NCS1: variants seen among roughly 807,000 people sequenced by gnomAD.
NCS1 encodes the protein frequenin homolog.
In NCS1, 6 loss-of-function variants were observed where a neutral mutation model predicts 28.4. The observed-to-expected ratio is 0.21, with a 90% CI of 0.12 to 0.42. The LOEUF (loss-of-function observed/expected upper bound fraction) is 0.42. NCS1 is among the 10% of genes least tolerant of loss of function. The probability of loss-of-function intolerance (pLI) is 1.00; values close to 1 mark genes in which losing one functional copy is unlikely to be tolerated. For synonymous variants in NCS1, 86 were observed against 99.3 expected (o/e 0.87, Z 0.79); for missense variants, 131 against 241.4 (o/e 0.54, Z 3.03).
At chr9:130,201,185 C>T (rs1156962616) in intron 2 of NCS1, among the ~76,000 whole-genome samples, 9 of 152,010 alleles carry the variant, frequency 5.9e-5, no homozygotes, top group African/African-American at 1.2e-4. Flanking sequence ...TTGGGGGTGG[C>T]GCTGGGGTGT....
In NCS1 at chr9:130,232,217, A is replaced by T. The variant is rs1554912219; in HGVS notation, c.*18-773A>T. Among the ~76,000 whole-genome samples, 1 of 151,902 alleles carries T rather than the reference A, an allele frequency of 6.6e-6. No individual in the cohort carries two copies. The highest frequency in any genetic ancestry group is 1.5e-5 in the Non-Finnish European group (1 of 67,978). ...CTGCCTTGGCCTCCCAAAGTGCTAGATTTACAGGTTTGACCCACCACTCCT... is the reference window on the plus strand; with the variant it reads ...CTGCCTTGGCCTCCCAAAGTGCTAGTTTTACAGGTTTGACCCACCACTCCT... On this transcript the variant is annotated intron_variant, in intron 7 of 7. Coordinates refer to ENST00000372398, the MANE Select transcript of NCS1 (RefSeq NM_014286.4). The surrounding 1 kb of genome is among the most constrained non-coding windows in gnomAD (Gnocchi z 4.4).
rs550795812 is a variant in NCS1, at chr9:130,200,605, G to A, written c.65-353G>A. The A allele has an allele frequency of 3.9e-6, 6 of 1,551,802 alleles. No homozygotes were observed. The African/African-American group carries it at 6.8e-5, about 18-fold the overall frequency. ...TCCCGTCCCCAGGGATTGAGAGATG[G>A]CAACGAGTAAGTCTTAGATGTTGGC... On this transcript the variant is annotated intron_variant, in intron 1 of 7. Coordinates refer to ENST00000372398, the MANE Select transcript of NCS1 (RefSeq NM_014286.4).
intron 2 of NCS1, among the ~76,000 whole-genome samples, chr9:130,205,424 G>A (rs782062736): frequency 1.3e-4 from 20 of 151,628 alleles, no homozygotes; most frequent in Non-Finnish European, 2.8e-4. Flanking sequence ...TGCACCTATA[G>A]TCCCAGCTAC....
intron 2 of NCS1, among the ~76,000 whole-genome samples, chr9:130,206,434 A>T (rs1158029305): frequency 2.4e-5 from 3 of 122,562 alleles, no homozygotes; most frequent in African/African-American, 9.6e-5. Context: ...CCTGAGATGG[A>T]GTCTCACTCG....
At position 130,175,901 on chromosome 9, in the gene NCS1, C is replaced by T. The variant is rs1832557257; in HGVS notation, c.64+3174C>T. Among the ~76,000 whole-genome samples, 1 of 152,206 alleles carries T rather than the reference C, an allele frequency of 6.6e-6. No individual in the cohort carries two copies. The highest frequency in any genetic ancestry group is 1.5e-5 in the Non-Finnish European group (1 of 68,038). Reference sequence around the variant, plus strand: ...TCTTTCAGGTCTGGCCCACTCTCTTCCAACCTGCTGGTGAGGCTGTTGGCT... The same window carrying T: ...TCTTTCAGGTCTGGCCCACTCTCTTTCAACCTGCTGGTGAGGCTGTTGGCT... On this transcript the variant is annotated intron_variant, in intron 1 of 7. Coordinates refer to ENST00000372398, the MANE Select transcript of NCS1 (RefSeq NM_014286.4). This position sits in a 1 kb window ranked among gnomAD's most constrained non-coding sequence, Gnocchi z 4.9.
intron 1 of NCS1, among the ~76,000 whole-genome samples, chr9:130,199,983 C>G (rs1430230082): frequency 6.6e-6 from 1 of 152,224 alleles, no homozygotes; most frequent in Non-Finnish European, 1.5e-5. Flanking sequence ...TTTGCCAAAA[C>G]TTTCTCTTGG....
Position 130,217,875 on chromosome 9 carries a change from G to A in NCS1, c.133G>A (p.Ala45Thr), listed in dbSNP as rs1554909605. The change falls in exon 3 of 8, where the codon GCG becomes ACG. Residue 45 changes from alanine (A) to threonine (T), a missense_variant. By Grantham distance (58) the Ala-to-Thr change is moderately conservative. Coordinates refer to ENST00000372398, the MANE Select transcript of NCS1 (RefSeq NM_014286.4). ...GGACTGCCCCAGTGGGCAGCTGGATGCGGCAGGCTTCCAGAAGATCTACAA... is the reference window on the plus strand; with the variant it reads ...GGACTGCCCCAGTGGGCAGCTGGATACGGCAGGCTTCCAGAAGATCTACAA... ...IKDCPSGQLD[A>T]AGFQKIYKQF... 2 of 1,614,216 alleles carry A rather than the reference G, an allele frequency of 1.2e-6. No individual in the cohort carries two copies. The highest frequency in any genetic ancestry group is 1.7e-5 in the Admixed American group (1 of 60,034).
Position 130,221,600 on chromosome 9 carries a change from T to G in NCS1, c.308-1050T>G, listed in dbSNP as rs1320651161. On this transcript the variant is annotated intron_variant, in intron 4 of 7. Coordinates refer to ENST00000372398, the MANE Select transcript of NCS1 (RefSeq NM_014286.4). Reference sequence around the variant, plus strand: ...GCGCCCGCCACCACACCTGGCTAATTTTTGTATTTTTAGTAGAGAAGGGGT... The same window carrying G: ...GCGCCCGCCACCACACCTGGCTAATGTTTGTATTTTTAGTAGAGAAGGGGT... Among the ~76,000 whole-genome samples, 51 of 144,686 alleles carry G rather than the reference T, an allele frequency of 3.5e-4. No individual in the cohort carries two copies. In the East Asian group the frequency reaches 0.01, roughly 29 times the overall value. The allele number at this position is 144,686 out of a possible 152,430, so 94.9% of individuals were successfully genotyped here. A position where few individuals can be genotyped will look rare whatever the true frequency, so the allele number is the denominator to read the frequency against.
At chr9:130,222,093 T>TATCTATAAATATATATAC (rs1554910635) in intron 4 of NCS1, among the ~76,000 whole-genome samples, 5 of 67,830 alleles carry the variant, frequency 7.4e-5, no homozygotes, top group Non-Finnish European at 8.4e-5. Flanking sequence ...TATATATATG[T>TATCTATAAATATATATAC]GTGTGTGTAT....
chr9:130,183,833 A>G (rs1832704424), intron 1 of NCS1, among the ~76,000 whole-genome samples: 1 of 136,682 alleles, frequency 7.3e-6, no homozygotes, highest in Non-Finnish European at 1.5e-5. Flanking sequence ...TTTTTGAGAC[A>G]GAGTCTCGCT....
Position 130,219,874 on chromosome 9 carries a change from C to A in NCS1, c.307+71C>A. On this transcript the variant is annotated intron_variant, in intron 4 of 7. Transcript: ENST00000372398. The surrounding 1 kb of genome is among the most constrained non-coding windows in gnomAD (Gnocchi z 5.7). ...CAGGTCAGAGGGAGGCAGCCCTCGG[C>A]CCTCACCAGGCAGGGGTGCCAGACA... 1 of 1,496,424 alleles carries A rather than the reference C, an allele frequency of 6.7e-7. No homozygotes were observed. Among genetic ancestry groups the A allele is most frequent in the Non-Finnish European group, 9.3e-7 (1 of 1,075,508 alleles). The allele number at this position is 1,496,424 out of a possible 1,614,324, so 92.7% of individuals were successfully genotyped here.
At chr9:130,185,942 C>A (rs191945280) in intron 1 of NCS1, among the ~76,000 whole-genome samples, 2 of 152,238 alleles carry the variant, frequency 1.3e-5, no homozygotes, top group African/African-American at 2.4e-5. Context: ...AATCGCTGAG[C>A]GAAGCCTGCC....
At chr9:130,231,366 T>TTG (rs1554912091) in intron 7 of NCS1, among the ~76,000 whole-genome samples, 7 of 150,716 alleles carry the variant, frequency 4.6e-5, no homozygotes, top group African/African-American at 1.7e-4. Flanking sequence ...AAAAAAAACT[T>TTG]TAATTTTGTT....
At chr9:130,214,722 G>C (rs1554909144) in intron 2 of NCS1, among the ~76,000 whole-genome samples, 1 of 152,220 alleles carries the variant, frequency 6.6e-6, no homozygotes, top group East Asian at 1.9e-4. Flanking sequence ...TCTGGGTGTG[G>C]AGTATGGGGG....
At chr9:130,196,897 C>T (rs554693424) in intron 1 of NCS1, among the ~76,000 whole-genome samples, 30 of 152,298 alleles carry the variant, frequency 2.0e-4, no homozygotes, top group Admixed American at 7.2e-4. Flanking sequence ...GATCTGGACC[C>T]GATCCAGGCA....
chr9:130,183,779 C>G (rs1330316772), intron 1 of NCS1, among the ~76,000 whole-genome samples: 1 of 141,848 alleles, frequency 7.0e-6, no homozygotes, highest in East Asian at 2.0e-4. Flanking sequence ...TCCTTCCTTC[C>G]TTTTCTTTTC....
intron 1 of NCS1, among the ~76,000 whole-genome samples, chr9:130,190,022 A>G (rs1416708137): frequency 9.4e-6 from 1 of 106,576 alleles, no homozygotes; most frequent in Non-Finnish European, 1.9e-5. Context: ...TAGTTCTTGT[A>G]TGTTTATGCA....
intron 2 of NCS1, among the ~76,000 whole-genome samples, chr9:130,205,952 GA>G (rs1334882812): frequency 2.0e-5 from 3 of 152,130 alleles, no homozygotes; most frequent in Non-Finnish European, 4.4e-5. Context: ...TGAAGGCTAG[GA>G]GATGGTTGAA....
intron 1 of NCS1, among the ~76,000 whole-genome samples, chr9:130,182,879 C>T (rs539444094): frequency 1.3e-5 from 2 of 152,308 alleles, no homozygotes; most frequent in East Asian, 1.9e-4. Context: ...GGTATCTGTC[C>T]GACAGAGAAA....
Sources: gnomAD v4.1 joint callset for allele counts (sites outside exome capture counted in the v4.1 genomes callset) on GRCh38, gnomAD v4.1.1 for gene constraint, Gnocchi (gnomAD v3.1) non-coding constraint, MANE v1.5 for transcripts, NCBI Gene and HGNC (gene_info 2026-07-23, HGNC 2026-07-21) for gene names.